Variants in PHLDB1 observed in about 807,000 individuals in gnomAD.
PHLDB1 encodes the protein pleckstrin homology-like domain family B member 1.
In PHLDB1, 65 loss-of-function variants were observed where a neutral mutation model predicts 139.3. The ratio of observed to expected loss-of-function variants is 0.47; its 90% CI spans 0.38 to 0.57. The LOEUF (loss-of-function observed/expected upper bound fraction) is 0.57. Among genes scored for constraint, PHLDB1 ranks in the 20% least tolerant of loss-of-function variants. The pLI is 0.00. For missense variants in PHLDB1, 1,624 were observed against 1,839.7 expected (o/e 0.88, Z 2.14); for synonymous variants, 679 against 734.5 (o/e 0.92, Z 1.22).
chr11:118,633,622 C>A (rs1555113001), intron 9 of PHLDB1: 1 of 152,256 alleles, frequency 6.6e-6, no homozygotes, highest in African/African-American at 2.4e-5. Flanking sequence ...TCCCTTGGGG[C>A]TTCCCAAATT....
At chr11:118,616,534 G>C (rs1941682649) in intron 4 of PHLDB1, among the ~76,000 whole-genome samples, 1 of 152,212 alleles carries the variant, frequency 6.6e-6, no homozygotes, top group Non-Finnish European at 1.5e-5. Flanking sequence ...AGAGCAATTG[G>C]AGCAGCAGTG....
intron 20 of PHLDB1, chr11:118,654,707 CTT>C (rs1348987690): frequency 3.4e-5 from 3 of 89,386 alleles, no homozygotes; most frequent in East Asian, 7.3e-4. Flanking sequence ...ATATTTCTTT[CTT>C]TCTCTTTTTT....
At chr11:118,643,751 T>A (rs1555123476) in intron 13 of PHLDB1, 49 bp from the exon 14 acceptor site, 4 of 1,612,940 alleles carry the variant, frequency 2.5e-6, no homozygotes, top group Non-Finnish European at 3.4e-6. Context: ...ATGGGGGAGG[T>A]GGCCAATGGG....
Position 118,628,350 on chromosome 11 carries a change from G to T in PHLDB1, c.1527G>T (p.Leu509=), listed in dbSNP as rs1555105957. The T allele has an allele frequency of 5.6e-6, 9 of 1,611,778 alleles. No homozygotes were observed. The highest frequency in any genetic ancestry group is 7.6e-6 in the Non-Finnish European group (9 of 1,179,024). The change falls in exon 6 of 23, where the codon CTG becomes CTT. Residue 509 remains leucine (L), a synonymous_variant. Coordinates refer to ENST00000600882, the MANE Select transcript of PHLDB1 (RefSeq NM_001144758.3). ...CACCAGAGGACTTCTCCCTGACGCTGGGGGCACGGGGCCGTAGGACACGGA... is the reference window on the plus strand; with the variant it reads ...CACCAGAGGACTTCTCCCTGACGCTTGGGGCACGGGGCCGTAGGACACGGA... The part of the protein sequence containing the change: ...GASPEDFSLT[L]GARGRRTRSP...
rs1944126307 is a variant in PHLDB1, at chr11:118,627,785, G to A, written c.962G>A (p.Arg321Lys). The change falls in exon 6 of 23, where the codon AGG becomes AAG. Residue 321 changes from arginine to lysine, a missense_variant. Physicochemically the swap from Arg to Lys is conservative, Grantham distance 26. Transcript: ENST00000600882. ...CTGAGCAGGAAAGGGGGCCATGAGA[G>A]GCCTCCCAGCCCTGGCCTCCGGGGT... ...PRLSRKGGHE[R>K]PPSPGLRGLL... 2 of 1,605,742 alleles carry A rather than the reference G, an allele frequency of 1.2e-6. No individual in the cohort carries two copies. Among genetic ancestry groups the A allele is most frequent in the East Asian group, 2.2e-5 (1 of 44,882 alleles).
In PHLDB1 at chr11:118,627,775, G is replaced by T. The variant is rs1555103972; in HGVS notation, c.952G>T (p.Gly318Cys). The T allele has an allele frequency of 1.2e-6, 2 of 1,606,052 alleles. No homozygotes were observed. Among genetic ancestry groups the T allele is most frequent in the South Asian group, 2.2e-5 (2 of 91,056 alleles). The change falls in exon 6 of 23, where the codon GGC (glycine) becomes TGC (cysteine). Residue 318 changes from glycine to cysteine, a missense_variant. By Grantham distance (159) the Gly-to-Cys change is radical (BLOSUM62 -3). Coordinates refer to ENST00000600882, the MANE Select transcript of PHLDB1 (RefSeq NM_001144758.3). ...GAGTCCTCGGCTGAGCAGGAAAGGGGGCCATGAGAGGCCTCCCAGCCCTGG... is the reference window on the plus strand; with the variant it reads ...GAGTCCTCGGCTGAGCAGGAAAGGGTGCCATGAGAGGCCTCCCAGCCCTGG... ...SESPRLSRKG[G>C]HERPPSPGLR...
intron 18 of PHLDB1, 137 bp downstream of exon 18, chr11:118,648,213 C>A: frequency 1.1e-6 from 1 of 882,676 alleles, no homozygotes; most frequent in Non-Finnish European, 1.8e-6. Flanking sequence ...TTAATACTAG[C>A]AGAATTCTAC....
intron 9 of PHLDB1, chr11:118,634,676 C>G (rs1477920125): frequency 4.6e-6 from 1 of 217,510 alleles, no homozygotes; most frequent in Non-Finnish European, 9.6e-6. Flanking sequence ...CTTGGGCCCT[C>G]TCCCTCTTCA....
At chr11:118,656,583 T>TC in intron 22 of PHLDB1, 100 bp from the exon 23 acceptor site, 1 of 1,205,678 alleles carries the variant, frequency 8.3e-7, no homozygotes, top group Non-Finnish European at 1.2e-6. Flanking sequence ...TCCAGGGCTT[T>TC]CTAGGGGCTG....
chr11:118,632,061 G>A lies in PHLDB1; in HGVS notation c.2241+8G>A, dbSNP rs373574643. On this transcript the variant is annotated splice_region_variant and intron_variant, in intron 8 of 22. Coordinates refer to ENST00000600882, the MANE Select transcript of PHLDB1 (RefSeq NM_001144758.3). This position sits in a 1 kb window ranked among gnomAD's most constrained non-coding sequence, Gnocchi z 5.9. ...CAGGAGTCAGCCCGAGAGGTGAGCC[G>A]TGAAGTCCCTAGCTGGACTCTTCCC... is the stretch of plus-strand genomic sequence containing the variant. The A allele has an allele frequency of 4.7e-5, 76 of 1,613,618 alleles. No individual in the cohort carries two copies. Among genetic ancestry groups the A allele is most frequent in the Non-Finnish European group, 6.1e-5 (72 of 1,179,792 alleles).
In PHLDB1 at chr11:118,657,890, G is replaced by T. The variant is rs7104850; in HGVS notation, c.*1067G>T. 2.3e-5 allele frequency: 4 copies of T among 177,750 alleles called. No individual in the cohort carries two copies. The highest frequency in any genetic ancestry group is 4.8e-5 in the Non-Finnish European group (4 of 83,800). The allele number at this position is 177,750 out of a possible 1,614,324, so 11.0% of individuals were successfully genotyped here. On this transcript the variant is annotated 3_prime_UTR_variant, in exon 23 of 23. Transcript: ENST00000600882. ...ACCAGGCCTCCAGCTGTCTGGCCTCGCCCTTCACGCCTTAACACTAAGCCC... is the reference window on the plus strand; with the variant it reads ...ACCAGGCCTCCAGCTGTCTGGCCTCTCCCTTCACGCCTTAACACTAAGCCC...
chr11:118,642,039 C>G (rs782091692), intron 12 of PHLDB1: 8 of 643,508 alleles, frequency 1.2e-5, no homozygotes, highest in Non-Finnish European at 1.6e-5. Flanking sequence ...TCTTCTTTTT[C>G]TTGATGCTCT....
intron 6 of PHLDB1, among the ~76,000 whole-genome samples, chr11:118,629,666 G>A (rs782037934): frequency 1.3e-5 from 2 of 152,158 alleles, no homozygotes; most frequent in African/African-American, 2.4e-5. Context: ...GTTGGATGGG[G>A]GTGAGATGAG....
chr11:118,653,807 C>T (rs1948659883), intron 20 of PHLDB1: 2 of 152,192 alleles, frequency 1.3e-5, no homozygotes, highest in African/African-American at 4.8e-5. Context: ...AGCATAAGTT[C>T]TATACAGAGG....
Position 118,650,101 on chromosome 11 carries a change from C to T in PHLDB1, c.3679C>T (p.Pro1227Ser). The change falls in exon 19 of 23, where the codon CCA becomes TCA. Residue 1227 changes from proline to serine, a missense_variant. Transcript: ENST00000600882. This position sits in a 1 kb window ranked among gnomAD's most constrained non-coding sequence, Gnocchi z 4.7. Reference sequence around the variant, plus strand: ...GGCACGACCCCTGACCCGCTACCTGCCAATCCGGAAGGAGGACTTTGACCT... The same window carrying T: ...GGCACGACCCCTGACCCGCTACCTGTCAATCCGGAAGGAGGACTTTGACCT... ...SQARPLTRYL[P>S]IRKEDFDLKT... 6.2e-7 allele frequency: 1 copy of T among 1,614,140 alleles called. No homozygotes were observed. Among genetic ancestry groups the T allele is most frequent in the Non-Finnish European group, 8.5e-7 (1 of 1,179,974 alleles).
chr11:118,617,039 C>G (rs369143248), intron 4 of PHLDB1, among the ~76,000 whole-genome samples: 1 of 151,890 alleles, frequency 6.6e-6, no homozygotes, highest in Non-Finnish European at 1.5e-5. Flanking sequence ...AGCAAGACTC[C>G]GTCTCAAAAA....
chr11:118,648,268 GTTGT>G (rs1947836150), intron 18 of PHLDB1, among the ~76,000 whole-genome samples, 192 bp downstream of exon 18: 1 of 129,848 alleles, frequency 7.7e-6, no homozygotes, highest in African/African-American at 3.0e-5. Context: ...GACTATTCAA[GTTGT>G]GTGTGTGTGT....
In PHLDB1 at chr11:118,657,002, T is replaced by G. The variant is rs782546261; in HGVS notation, c.*179T>G. Reference sequence around the variant, plus strand: ...GGAGCCCAGAACTTGCAGTAACCCTTTAGGGTCCTGCCCCAGGCCCAGCCA... The same window carrying G: ...GGAGCCCAGAACTTGCAGTAACCCTGTAGGGTCCTGCCCCAGGCCCAGCCA... On this transcript the variant is annotated 3_prime_UTR_variant, in exon 23 of 23. Coordinates refer to ENST00000600882, the MANE Select transcript of PHLDB1 (RefSeq NM_001144758.3). 3.5e-6 allele frequency: 2 copies of G among 566,916 alleles called. No homozygotes were observed. The highest frequency in any genetic ancestry group is 6.2e-5 in the Admixed American group (2 of 32,300). 35.1% of individuals were successfully genotyped at this position (566,916 alleles called of 1,614,324 possible).
chr11:118,610,391 G>A lies in PHLDB1; in HGVS notation c.-22+2692G>A. ...CTTCCTGACTCCTTCCTCTGACGGC[G>A]GCCCTTTCTCGAGGGCGGATGTGCG... On this transcript the variant is annotated intron_variant, in intron 1 of 22. Transcript: ENST00000600882. This position sits in a 1 kb window ranked among gnomAD's most constrained non-coding sequence, Gnocchi z 8.7. The A allele has an allele frequency of 5.3e-6, 5 of 937,570 alleles. No homozygotes were observed. Among genetic ancestry groups the A allele is most frequent in the Non-Finnish European group, 6.4e-6 (5 of 786,048 alleles). The allele number at this position is 937,570 out of a possible 1,614,324, so 58.1% of individuals were successfully genotyped here. A position where few individuals can be genotyped will look rare whatever the true frequency, so the allele number is the denominator to read the frequency against.
Sources: allele counts gnomAD v4.1 joint callset (sites outside exome capture counted in the v4.1 genomes callset), GRCh38; gene constraint gnomAD v4.1.1; non-coding constraint Gnocchi (gnomAD v3.1); transcripts MANE v1.5; gene names NCBI Gene and HGNC (gene_info 2026-07-23, HGNC 2026-07-21).